XIST: variants seen among roughly 807,000 people sequenced by gnomAD.
The protein encoded by XIST is X inactive specific transcript, also known as X inactive specific transcript (non-protein coding).
chrX:73,838,622 A>G (rs1399111890), intron 1 of XIST, among the ~76,000 whole-genome samples: 1 of 111,555 alleles, frequency 9.0e-6, no homozygotes, highest in Non-Finnish European at 1.9e-5. Context: ...CAATTTGGAA[A>G]GGTCAAGGAA....
chrX:73,829,450 T>G (rs1022405884), intron 4 of XIST: 2 of 335,891 alleles, frequency 6.0e-6, no homozygotes, highest in African/African-American at 2.6e-5. Flanking sequence ...TATCACTTGA[T>G]GAGTCACTAG....
chrX:73,847,414 T>G (rs1205213363), exon 1 of XIST: 11 of 510,546 alleles, frequency 2.2e-5, no homozygotes, highest in Non-Finnish European at 7.0e-6. Context: ...CTTTTTTTTT[T>G]TTTTAATGTT....
exon 6 of XIST, chrX:73,824,932 C>T (rs746976099): frequency 5.5e-6 from 3 of 541,461 alleles, no homozygotes; most frequent in Non-Finnish European, 6.7e-6. Flanking sequence ...TTGTATTTTA[C>T]AGTACCCAAA....
At chrX:73,849,542 G>A (rs751231794) in exon 1 of XIST, 1 of 558,515 alleles carries the variant, frequency 1.8e-6, no homozygotes, top group Non-Finnish European at 3.2e-6. Flanking sequence ...AAAATGATAA[G>A]TAACTCAAAT....
At chrX:73,846,528 A>G (rs1233104626) in exon 1 of XIST, 2 of 559,195 alleles carry the variant, frequency 3.6e-6, no homozygotes, top group South Asian at 4.4e-5. Context: ...GGAGAGTAGG[A>G]CCTTATTCAC....
intron 1 of XIST, among the ~76,000 whole-genome samples, chrX:73,840,744 TACTC>T (rs1922571938): frequency 8.9e-6 from 1 of 111,821 alleles, no homozygotes; most frequent in Non-Finnish European, 1.9e-5. Context: ...AACTTTAAAA[TACTC>T]AAGCTTATGA....
At chrX:73,838,387 T>C (rs991006345) in intron 1 of XIST, among the ~76,000 whole-genome samples, 1 of 111,244 alleles carries the variant, frequency 9.0e-6, no homozygotes, top group Admixed American at 9.6e-5. Flanking sequence ...ACTAGAAGAC[T>C]AGCATTCTAA....
At chrX:73,828,745 C>A in intron 5 of XIST, 1 of 144,773 alleles carries the variant, frequency 6.9e-6, no homozygotes, top group Non-Finnish European at 1.4e-5. Flanking sequence ...AAGGGTTACC[C>A]TTTCAGCAGA....
exon 1 of XIST, chrX:73,848,160 T>C: frequency 5.4e-6 from 3 of 558,371 alleles, no homozygotes; most frequent in Non-Finnish European, 9.7e-6. Flanking sequence ...GTTGGGATCT[T>C]AATTTAATGG....
At chrX:73,847,273 A>G (rs760658332) in exon 1 of XIST, 2 of 553,649 alleles carry the variant, frequency 3.6e-6, no homozygotes, top group African/African-American at 4.5e-5. Flanking sequence ...CTACTCTAAC[A>G]TAGGGGCACA....
chrX:73,843,899 T>C (rs1311329867), exon 1 of XIST: 2 of 556,476 alleles, frequency 3.6e-6, no homozygotes. Context: ...GGTATGACCT[T>C]AATCTACTGA....
exon 1 of XIST, chrX:73,848,242 AG>A (rs1354285005): frequency 1.1e-5 from 6 of 554,884 alleles, no homozygotes; most frequent in Non-Finnish European, 1.9e-5. Context: ...AAGGAATATG[AG>A]GGGATGAGAC....
Position 73,842,534 on chromosome X carries a change from A to G in XIST, n.10190T>C, listed in dbSNP as rs1922619840. The G allele has an allele frequency of 1.1e-5, 6 of 558,777 alleles. No homozygotes were observed. In the East Asian group the frequency reaches 1.9e-4, roughly 18 times the overall value. The allele number at this position is 558,777 out of a possible 1,213,427, so 46.0% of individuals were successfully genotyped here. On this transcript the variant is annotated non_coding_transcript_exon_variant, in exon 1 of 6. Coordinates refer to ENST00000429829, the Ensembl canonical transcript of XIST. ...GAGTGAAGGCTTATCCACCTAGTTC[A>G]GGCCTGCTTTTCATAGTCAACACTG...
At position 73,851,760 on chromosome X, in the gene XIST, C is replaced by A. The variant is rs1342838605; in HGVS notation, n.964G>T. On this transcript the variant is annotated non_coding_transcript_exon_variant, in exon 1 of 6. Transcript: ENST00000429829. ...TGACCTGCTATCATCCATCTTGCCT[C>A]CCTAGTTTAACTTAGCACAAACGAC... 1 of 557,071 alleles carries A rather than the reference C, an allele frequency of 1.8e-6. No homozygotes were observed. Among genetic ancestry groups the A allele is most frequent in the Non-Finnish European group, 3.2e-6 (1 of 309,179 alleles). The allele number at this position is 557,071 out of a possible 1,213,427, so 45.9% of individuals were successfully genotyped here. A position where few individuals can be genotyped will look rare whatever the true frequency, so the allele number is the denominator to read the frequency against.
At chrX:73,851,679 C>T in exon 1 of XIST, 1 of 558,963 alleles carries the variant, frequency 1.8e-6, no homozygotes, top group Non-Finnish European at 3.2e-6. Context: ...TAACAAGCCC[C>T]AAATCAATTC....
chrX:73,843,720 G>A (rs1170807122), exon 1 of XIST: 3 of 556,783 alleles, frequency 5.4e-6, no homozygotes, highest in African/African-American at 4.5e-5. Flanking sequence ...CATTCCAAGT[G>A]ACAGTCTTGA....
intron 4 of XIST, chrX:73,829,274 T>C (rs1286689872): frequency 3.8e-6 from 2 of 531,628 alleles, no homozygotes; most frequent in African/African-American, 2.3e-5. Context: ...GCCATAAATA[T>C]TGAGTACTGT....
At chrX:73,843,856 A>G (rs905758117) in exon 1 of XIST, 2 of 558,926 alleles carry the variant, frequency 3.6e-6, no homozygotes, top group Non-Finnish European at 6.5e-6. Context: ...GTTGATCAGG[A>G]CACCCTGTTG....
At chrX:73,849,970 A>G (rs1283152553) in exon 1 of XIST, 1 of 554,858 alleles carries the variant, frequency 1.8e-6, no homozygotes, top group African/African-American at 2.3e-5. Context: ...CAGGCAGGAT[A>G]CAACGAAAAA....
Sources: allele counts gnomAD v4.1 joint callset (sites outside exome capture counted in the v4.1 genomes callset), GRCh38; gene constraint gnomAD v4.1.1; transcripts MANE v1.5; gene names NCBI Gene and HGNC (gene_info 2026-07-23, HGNC 2026-07-21).